Variants in LCORL observed in about 807,000 individuals in gnomAD.
LCORL encodes the protein ligand dependent nuclear receptor corepressor like.
In LCORL, 41 loss-of-function variants were observed where a neutral mutation model predicts 141.8. That is an observed-to-expected ratio of 0.29 (90% CI 0.23 to 0.38). The LOEUF (loss-of-function observed/expected upper bound fraction) is 0.38. LCORL is among the 10% of genes least tolerant of loss of function. LCORL has a pLI of 1.00. For missense variants in LCORL, 1,759 were observed against 2,035.0 expected, an observed-to-expected ratio of 0.86 and a Z score of 2.61; for synonymous variants, 618 against 694.1, an observed-to-expected ratio of 0.89 and a Z score of 1.72.
At chr4:17,946,226 C>T (rs2109507856) in intron 4 of LCORL, among the ~76,000 whole-genome samples, 1 of 152,098 alleles carries the variant, frequency 6.6e-6, no homozygotes, top group East Asian at 1.9e-4. Context: ...CAGTAAACTG[C>T]TTTCACACCA....
At chr4:17,991,174 T>A (rs931423580) in intron 1 of LCORL, among the ~76,000 whole-genome samples, 1 of 152,192 alleles carries the variant, frequency 6.6e-6, no homozygotes, top group Non-Finnish European at 1.5e-5. Context: ...ATAACCTCTC[T>A]CATCACTAGT....
chr4:17,843,516 C>CTGA (rs979584543), exon 8 of LCORL: 3 of 1,423,970 alleles, frequency 2.1e-6, no homozygotes, highest in African/African-American at 2.9e-5. Flanking sequence ...CAGAACAAAC[C>CTGA]TGATGTCTTT....
chr4:17,859,286 A>G (rs988200218), intron 7 of LCORL, among the ~76,000 whole-genome samples: 2 of 152,184 alleles, frequency 1.3e-5, no homozygotes, highest in Non-Finnish European at 2.9e-5. Flanking sequence ...GGTTAAGTGT[A>G]TTAAATGAAC....
At chr4:17,882,980 C>T (rs1388200832) in intron 6 of LCORL, 1 of 929,634 alleles carries the variant, frequency 1.1e-6, no homozygotes, top group Non-Finnish European at 1.3e-6. Context: ...CTTAGTACTC[C>T]ATCTTATTAT....
intron 1 of LCORL, among the ~76,000 whole-genome samples, chr4:17,994,270 T>C (rs981953912): frequency 1.3e-5 from 2 of 152,214 alleles, no homozygotes; most frequent in African/African-American, 2.4e-5. Flanking sequence ...TGCTATTTTG[T>C]TTTATAATAT....
intron 7 of LCORL, among the ~76,000 whole-genome samples, chr4:17,853,443 G>C (rs1166435323): frequency 6.6e-6 from 1 of 152,078 alleles, no homozygotes; most frequent in Non-Finnish European, 1.5e-5. Flanking sequence ...ATTCCTGAAA[G>C]AGGAGAATAA....
intron 1 of LCORL, among the ~76,000 whole-genome samples, chr4:18,003,524 C>T (rs1722311569): frequency 6.6e-6 from 1 of 152,122 alleles, no homozygotes; most frequent in Admixed American, 6.6e-5. Flanking sequence ...AGGTATGTTA[C>T]ATATTAGGTT....
chr4:17,956,448 A>G (rs756828964), intron 4 of LCORL, among the ~76,000 whole-genome samples: 30 of 152,180 alleles, frequency 2.0e-4, no homozygotes, highest in Admixed American at 3.9e-4. Flanking sequence ...GTATATCTAC[A>G]TAATGGAATA....
At chr4:17,917,940 AAAAAC>A (rs139664926) in intron 4 of LCORL, among the ~76,000 whole-genome samples, 8,947 of 151,828 alleles carry the variant, frequency 0.059, 772 homozygotes, top group African/African-American at 0.19. Context: ...ACAGGTTAAC[AAAAAC>A]AAAACAAAAC....
At chr4:17,844,537 A>ATAGT (rs1222840608) in exon 8 of LCORL, 3 of 152,456 alleles carry the variant, frequency 2.0e-5, no homozygotes, top group African/African-American at 7.2e-5. Context: ...TCAAAGCAAG[A>ATAGT]TAGTTATTAA....
intron 1 of LCORL, among the ~76,000 whole-genome samples, chr4:18,018,425 T>A (rs1247281995): frequency 6.6e-6 from 1 of 152,110 alleles, no homozygotes; most frequent in Non-Finnish European, 1.5e-5. Flanking sequence ...AGATATTAAT[T>A]GGGACAAAAG....
intron 4 of LCORL, among the ~76,000 whole-genome samples, chr4:17,910,143 T>C (rs1306374463): frequency 1.3e-5 from 2 of 152,184 alleles, no homozygotes; most frequent in African/African-American, 2.4e-5. Context: ...ACAGTAATAA[T>C]ACAACTCTGT....
chr4:17,885,950 G>A, intron 6 of LCORL, 118 bp downstream of exon 6: 2 of 448,600 alleles, frequency 4.5e-6, no homozygotes, highest in Non-Finnish European at 7.8e-6. Context: ...ACACTTATGA[G>A]TGACAAAAAT....
At chr4:17,996,450 A>G (rs1720933877) in intron 1 of LCORL, among the ~76,000 whole-genome samples, 1 of 152,138 alleles carries the variant, frequency 6.6e-6, no homozygotes, top group South Asian at 2.1e-4. Flanking sequence ...TAAATAAAGT[A>G]TAACTGATTC....
exon 8 of LCORL, chr4:17,843,303 G>T: frequency 6.2e-7 from 1 of 1,611,030 alleles, no homozygotes; most frequent in South Asian, 1.1e-5. Context: ...TCTATTTAGT[G>T]ATCATGAAGT....
chr4:17,901,721 T>A (rs1178189781), intron 5 of LCORL, among the ~76,000 whole-genome samples: 1 of 151,828 alleles, frequency 6.6e-6, no homozygotes, highest in Non-Finnish European at 1.5e-5. Flanking sequence ...AGTATATAAC[T>A]TCAAAGTAAG....
chr4:17,874,829 G>T (rs1726742625), exon 7 of LCORL: 1 of 1,233,446 alleles, frequency 8.1e-7, no homozygotes, highest in Non-Finnish European at 1.0e-6. Context: ...TGTTTCTTGG[G>T]GTATCTTTGT....
At chr4:17,981,249 T>C (rs1427739423) in intron 1 of LCORL, among the ~76,000 whole-genome samples, 4 of 152,190 alleles carry the variant, frequency 2.6e-5, no homozygotes, top group South Asian at 2.1e-4. Flanking sequence ...CCCTAGAGTA[T>C]GAATATTTTA....
intron 1 of LCORL, among the ~76,000 whole-genome samples, chr4:17,994,656 A>G (rs1375309280): frequency 6.6e-6 from 1 of 152,140 alleles, no homozygotes; most frequent in African/African-American, 2.4e-5. Flanking sequence ...GTCTCTTTCA[A>G]CTAATCAATT....
Sources: gnomAD v4.1 joint callset for allele counts (sites outside exome capture counted in the v4.1 genomes callset) on GRCh38, gnomAD v4.1.1 for gene constraint, MANE v1.5 for transcripts, NCBI Gene and HGNC (gene_info 2026-07-23, HGNC 2026-07-21) for gene names.